OCA2: variants seen among roughly 807,000 people sequenced by gnomAD.
The protein encoded by OCA2 is OCA2 melanosomal transmembrane protein, also known as P protein.
In OCA2, 77 loss-of-function variants were observed where a neutral mutation model predicts 100.2. The ratio of observed to expected loss-of-function variants is 0.77; its 90% CI spans 0.64 to 0.93. OCA2 has a LOEUF of 0.93. Ranked by LOEUF, OCA2 falls within the 40% of genes least tolerant of loss-of-function variation. The probability of loss-of-function intolerance (pLI) is 0.00; values close to 1 mark genes in which losing one functional copy is unlikely to be tolerated. For missense variants in OCA2, 1,062 were observed against 1,089.1 expected (o/e 0.98, Z 0.35); for synonymous variants, 432 against 439.2 (o/e 0.98, Z 0.21).
At chr15:27,996,342 A>T (rs1254204371) in intron 9 of OCA2, among the ~76,000 whole-genome samples, 1 of 152,222 alleles carries the variant, frequency 6.6e-6, no homozygotes, top group Non-Finnish European at 1.5e-5. Flanking sequence ...CCCCATACAT[A>T]TATACAATTT....
intron 2 of OCA2, among the ~76,000 whole-genome samples, chr15:28,045,157 AT>A (rs2043311942): frequency 6.6e-6 from 1 of 151,936 alleles, no homozygotes; most frequent in South Asian, 2.1e-4. Flanking sequence ...GTATGATTCC[AT>A]TTTATCCTTT....
At chr15:28,001,994 T>C (rs951990019) in intron 9 of OCA2, among the ~76,000 whole-genome samples, 2 of 152,196 alleles carry the variant, frequency 1.3e-5, no homozygotes, top group African/African-American at 4.8e-5. Context: ...GAGTGGGCTG[T>C]GTGCACCAAG....
the OCA2 span, among the ~76,000 whole-genome samples, chr15:27,734,272 T>A: frequency 1.1e-5 from 1 of 91,558 alleles, no homozygotes; most frequent in Non-Finnish European, 2.1e-5. Context: ...TGCACAAAAA[T>A]ACCTTTTCAA....
chr15:27,725,145 C>T, the OCA2 span, among the ~76,000 whole-genome samples: 26 of 152,274 alleles, frequency 1.7e-4, no homozygotes, highest in Admixed American at 2.0e-4. Flanking sequence ...AGGAGCACCG[C>T]GGAAGGTGAT....
intron 2 of OCA2, among the ~76,000 whole-genome samples, chr15:28,042,185 A>G (rs1441591322): frequency 1.3e-5 from 2 of 152,218 alleles, no homozygotes; most frequent in African/African-American, 4.8e-5. Context: ...TGCACAGTAA[A>G]TAAATGATAC....
At chr15:27,808,194 G>A (rs1241739461) in intron 23 of OCA2, among the ~76,000 whole-genome samples, 3 of 152,194 alleles carry the variant, frequency 2.0e-5, no homozygotes, top group Non-Finnish European at 4.4e-5. Flanking sequence ...CTTCTGCTCC[G>A]GCAAGCCCAC....
chr15:27,933,873 AGAGG>A (rs2039352152), intron 18 of OCA2, among the ~76,000 whole-genome samples: 1 of 152,184 alleles, frequency 6.6e-6, no homozygotes, highest in Non-Finnish European at 1.5e-5. Context: ...CCTTGTGCTC[AGAGG>A]CCTGACAGTG....
At chr15:27,836,939 A>C (rs2035175823) in intron 23 of OCA2, among the ~76,000 whole-genome samples, 1 of 152,270 alleles carries the variant, frequency 6.6e-6, no homozygotes, top group Admixed American at 6.5e-5. Context: ...AAACAAAATG[A>C]GGTGACAAAA....
At chr15:27,930,967 T>C (rs1256794218) in intron 18 of OCA2, among the ~76,000 whole-genome samples, 1 of 152,180 alleles carries the variant, frequency 6.6e-6, no homozygotes, top group African/African-American at 2.4e-5. Context: ...CAAACTGACA[T>C]ATGCCTGCTC....
At chr15:28,086,445 T>C (rs769162990) in intron 1 of OCA2, among the ~76,000 whole-genome samples, 1 of 152,174 alleles carries the variant, frequency 6.6e-6, no homozygotes, top group Non-Finnish European at 1.5e-5. Flanking sequence ...TCTAACCCTA[T>C]CTGGCAGCAA....
chr15:28,065,467 G>C (rs557521706), intron 2 of OCA2, among the ~76,000 whole-genome samples: 55 of 152,240 alleles, frequency 3.6e-4, no homozygotes, highest in Non-Finnish European at 6.6e-4. Context: ...TATGTTCTGA[G>C]TTAGGCAAAA....
intron 9 of OCA2, among the ~76,000 whole-genome samples, chr15:28,003,470 G>A (rs2041990660): frequency 1.3e-5 from 2 of 152,320 alleles, no homozygotes; most frequent in South Asian, 2.1e-4. Flanking sequence ...GCGCTGCCGC[G>A]TTCGTCTCCC....
At chr15:27,913,838 G>GGAAAGAAAGAAAAGAAAGAAA (rs2038505029) in intron 19 of OCA2, among the ~76,000 whole-genome samples, 4 of 37,062 alleles carry the variant, frequency 1.1e-4, no homozygotes, top group South Asian at 2.4e-3. Flanking sequence ...AAGAAAGAAA[G>GGAAAGAAAGAAAAGAAAGAAA]GAAAGAAAGA....
chr15:27,937,107 C>A (rs1302744342), intron 18 of OCA2, among the ~76,000 whole-genome samples: 2 of 152,200 alleles, frequency 1.3e-5, no homozygotes, highest in African/African-American at 2.4e-5. Flanking sequence ...GGATGCCAGT[C>A]AGGCTCTGCC....
intron 2 of OCA2, among the ~76,000 whole-genome samples, chr15:28,076,547 TA>T (rs1226587683): frequency 1.3e-5 from 2 of 151,950 alleles, no homozygotes; most frequent in Non-Finnish European, 2.9e-5. Context: ...ATCTTGCCTT[TA>T]AAAAAAATAG....
Position 27,989,655 on chromosome 15 carries a change from C to G in OCA2, c.1128G>C (p.Leu376=). 1 of 1,614,142 alleles carries G rather than the reference C, an allele frequency of 6.2e-7. No homozygotes were observed. The highest frequency in any genetic ancestry group is 8.5e-7 in the Non-Finnish European group (1 of 1,180,004). The change falls in exon 11 of 24, where the codon CTG becomes CTC. Residue 376 remains leucine, a synonymous_variant. Transcript: ENST00000354638. ...ALAVIGDRPS[L]THVVEWIDFE... ...AATCAATCCACTCCACCACATGGGTCAGGCTGGGTCTCTGCAATCAAAGCA... is the reference window on the plus strand; with the variant it reads ...AATCAATCCACTCCACCACATGGGTGAGGCTGGGTCTCTGCAATCAAAGCA...
At chr15:27,879,862 C>A (rs1343815779) in intron 19 of OCA2, among the ~76,000 whole-genome samples, 1 of 152,092 alleles carries the variant, frequency 6.6e-6, no homozygotes, top group Admixed American at 6.6e-5. Flanking sequence ...TTAATTAGAT[C>A]CCATTCGTCA....
chr15:28,092,026 G>A (rs1409911619), intron 1 of OCA2, among the ~76,000 whole-genome samples: 1 of 152,048 alleles, frequency 6.6e-6, no homozygotes, highest in Non-Finnish European at 1.5e-5. Flanking sequence ...TACACACAGT[G>A]GATTATTTGA....
At chr15:27,902,457 T>G (rs1334527309) in intron 19 of OCA2, among the ~76,000 whole-genome samples, 1 of 152,204 alleles carries the variant, frequency 6.6e-6, no homozygotes, top group Non-Finnish European at 1.5e-5. Context: ...TTTCCCAAAT[T>G]AAAGTATAAA....
Sources: gnomAD v4.1 joint callset for allele counts (sites outside exome capture counted in the v4.1 genomes callset) on GRCh38, gnomAD v4.1.1 for gene constraint, MANE v1.5 for transcripts, NCBI Gene and HGNC (gene_info 2026-07-23, HGNC 2026-07-21) for gene names.